The following SRD5A3 variants were observed in gnomAD, a reference collection of about 807,000 sequenced individuals.
SRD5A3 encodes steroid 5 alpha-reductase 3.
SRD5A3 carries 24 observed loss-of-function variants against 34.3 expected under a neutral mutation model. That is an observed-to-expected ratio of 0.70 (90% CI 0.51 to 0.99). The LOEUF (loss-of-function observed/expected upper bound fraction) is 0.99. Ranked by LOEUF, SRD5A3 falls within the 50% of genes least tolerant of loss-of-function variation. The pLI is 0.00. For missense variants in SRD5A3, 350 were observed against 388.2 expected, an observed-to-expected ratio of 0.90 and a Z score of 0.83; for synonymous variants, 161 against 167.3, an observed-to-expected ratio of 0.96 and a Z score of 0.29.
chr4:55,346,616 C>G, intron 1 of SRD5A3, 59 bp downstream of exon 1: 1 of 1,448,918 alleles, frequency 6.9e-7, no homozygotes, highest in South Asian at 1.4e-5. Flanking sequence ...CGGGGCGCCC[C>G]GGCTCGCGGG....
chr4:55,366,291 C>T (rs1719895987), intron 3 of SRD5A3, among the ~76,000 whole-genome samples: 2 of 152,162 alleles, frequency 1.3e-5, no homozygotes, highest in African/African-American at 4.8e-5. Context: ...ACTTTTCATC[C>T]TGTTGACTTG....
intron 1 of SRD5A3, among the ~76,000 whole-genome samples, chr4:55,346,760 G>C (rs926827550): frequency 1.3e-5 from 2 of 152,194 alleles, no homozygotes; most frequent in African/African-American, 4.8e-5. Flanking sequence ...GCAGTGCCCG[G>C]GTGTCCGCGG....
intron 1 of SRD5A3, among the ~76,000 whole-genome samples, chr4:55,347,320 G>A (rs1377974559): frequency 6.6e-6 from 1 of 152,204 alleles, no homozygotes; most frequent in East Asian, 1.9e-4. Flanking sequence ...GGTAGAAATA[G>A]AACAGTGCCC....
chr4:55,356,878 A>G (rs993495544), intron 1 of SRD5A3, among the ~76,000 whole-genome samples: 2 of 152,144 alleles, frequency 1.3e-5, no homozygotes, highest in East Asian at 3.9e-4. Flanking sequence ...TCCCCATTAT[A>G]AAAGCTAGTG....
At chr4:55,354,999 C>T (rs1036104599) in intron 1 of SRD5A3, among the ~76,000 whole-genome samples, 1 of 152,150 alleles carries the variant, frequency 6.6e-6, no homozygotes, top group Non-Finnish European at 1.5e-5. Flanking sequence ...TCACCTTACC[C>T]CTGCTTACAA....
At chr4:55,358,294 C>T (rs892751203) in intron 1 of SRD5A3, among the ~76,000 whole-genome samples, 5 of 152,164 alleles carry the variant, frequency 3.3e-5, no homozygotes, top group African/African-American at 1.2e-4. Flanking sequence ...CTTTGGGAAG[C>T]CAAGGTGGGA....
chr4:55,354,428 G>A (rs574030279), intron 1 of SRD5A3, among the ~76,000 whole-genome samples: 5 of 152,250 alleles, frequency 3.3e-5, no homozygotes, highest in South Asian at 2.1e-4. Context: ...AATAGATTGT[G>A]TTTTAGGCCC....
At position 55,364,056 on chromosome 4, in the gene SRD5A3, T is replaced by C; in HGVS notation, c.365-18T>C. ...TCCCAGAAGAGAAATGCTGACCCTG[T>C]TGCCTTCTGAATTGTAGGAGGGGAG... is the stretch of plus-strand genomic sequence containing the variant. On this transcript the variant is annotated intron_variant, in intron 2 of 4. Coordinates refer to ENST00000264228, the MANE Select transcript of SRD5A3 (RefSeq NM_024592.5). 12 of 1,613,922 alleles carry C rather than the reference T, an allele frequency of 7.4e-6. No individual in the cohort carries two copies. The highest frequency in any genetic ancestry group is 1.0e-5 in the Non-Finnish European group (12 of 1,179,764).
At position 55,346,411 on chromosome 4, in the gene SRD5A3, C is replaced by T; in HGVS notation, c.75C>T (p.Ala25=). ...CGGTGTGGCTCACGCTGACCGCCGC[C>T]TTCCTGCTGACCCTACTGCTGCAGC... The part of the protein sequence containing the change: ...LRAVWLTLTA[A]FLLTLLLQLL... The change falls in exon 1 of 5, where the codon GCC becomes GCT. Residue 25 remains alanine, a synonymous_variant. Transcript: ENST00000264228. The T allele has an allele frequency of 6.3e-7, 1 of 1,597,240 alleles. No individual in the cohort carries two copies.
rs771882471 is a variant in SRD5A3 at position 55,369,971 on chromosome 4, A to G, written c.837A>G (p.Leu279=). The change falls in exon 5 of 5, where the codon CTA becomes CTG. Residue 279 remains leucine, a synonymous_variant. Transcript: ENST00000264228. ...TFGFHNLTWW[L]VVTNVFFNQA... Reference sequence around the variant, plus strand: ...GGTTCCACAACTTAACTTGGTGGCTAGTGGTGACAAATGTCTTCTTTAATC... The same window carrying G: ...GGTTCCACAACTTAACTTGGTGGCTGGTGGTGACAAATGTCTTCTTTAATC... 16 of 1,614,040 alleles carry G rather than the reference A, an allele frequency of 9.9e-6. No individual in the cohort carries two copies. In the Admixed American group the frequency reaches 2.7e-4, roughly 27 times the overall value.
chr4:55,346,662 T>C, intron 1 of SRD5A3, 105 bp downstream of exon 1: 1 of 1,111,332 alleles, frequency 9.0e-7, no homozygotes, highest in Non-Finnish European at 1.2e-6. Flanking sequence ...GGACCCGGCC[T>C]GGGAGGCCCT....
intron 1 of SRD5A3, among the ~76,000 whole-genome samples, chr4:55,357,838 C>G (rs1719527800): frequency 6.6e-6 from 1 of 152,182 alleles, no homozygotes; most frequent in Admixed American, 6.5e-5. Flanking sequence ...TCCCAAAGCC[C>G]TGGGATTACA....
intron 1 of SRD5A3, among the ~76,000 whole-genome samples, chr4:55,354,412 A>G (rs150626459): frequency 3.3e-5 from 5 of 152,262 alleles, no homozygotes; most frequent in Non-Finnish European, 7.4e-5. Flanking sequence ...ATGTATTAAT[A>G]TTAAAAATAG....
chr4:55,356,577 TG>T (rs1719470164), intron 1 of SRD5A3, among the ~76,000 whole-genome samples: 1 of 152,150 alleles, frequency 6.6e-6, no homozygotes, highest in Admixed American at 6.5e-5. Context: ...AGCCTCAGCC[TG>T]AGCCTCCCGA....
chr4:55,364,251 T>A lies in SRD5A3; in HGVS notation c.542T>A (p.Val181Glu). 6.2e-7 allele frequency: 1 copy of A among 1,614,158 alleles called. No individual in the cohort carries two copies. Among genetic ancestry groups the A allele is most frequent in the Non-Finnish European group, 8.5e-7 (1 of 1,180,026 alleles). ...VLVGLTVLSQ[V>E]PMDGRNAYIT... is the part of the protein sequence containing the mutation. ...GTTGGCCTAACTGTGCTGAGCCAAG[T>A]GCCAATGGATGGCAGGAATGGTGAG... Residue 181 changes from valine to glutamate, a missense_variant, in exon 3 of 5, where the codon GTG becomes GAG. Physicochemically the swap from Val to Glu is moderately radical, Grantham distance 121. This residue lies in a region of SRD5A3 where 186 missense variants were observed against 221.4 expected (regional missense o/e 0.84). Coordinates refer to ENST00000264228, the MANE Select transcript of SRD5A3 (RefSeq NM_024592.5).
intron 1 of SRD5A3, among the ~76,000 whole-genome samples, chr4:55,355,409 G>T (rs1173015081): frequency 6.6e-6 from 1 of 150,742 alleles, no homozygotes; most frequent in Non-Finnish European, 1.5e-5. Context: ...AATGAACCAA[G>T]ATCGTGCCAC....
chr4:55,355,274 C>T (rs577097378), intron 1 of SRD5A3, among the ~76,000 whole-genome samples: 6 of 152,064 alleles, frequency 3.9e-5, no homozygotes, highest in Admixed American at 2.6e-4. Flanking sequence ...CTGGCTAACA[C>T]GGTGAAACCC....
chr4:55,364,813 G>A (rs751076675), intron 3 of SRD5A3: 1 of 176,952 alleles, frequency 5.7e-6, no homozygotes, highest in Non-Finnish European at 1.2e-5. Flanking sequence ...CTTAGTTCCT[G>A]TGATTGTTCC....
chr4:55,369,956 C>T lies in SRD5A3; in HGVS notation c.822C>T (p.Asn274=), dbSNP rs778832270. ...TGGCCGTCACCTTTGGGTTCCACAA[C>T]TTAACTTGGTGGCTAGTGGTGACAA... ...VSMAVTFGFH[N]LTWWLVVTNV... The change falls in exon 5 of 5, where the codon AAC becomes AAT. Residue 274 remains asparagine (N), a synonymous_variant. Coordinates refer to ENST00000264228, the MANE Select transcript of SRD5A3 (RefSeq NM_024592.5). The T allele has an allele frequency of 1.3e-5, 21 of 1,614,084 alleles. No homozygotes were observed. Among genetic ancestry groups the T allele is most frequent in the Non-Finnish European group, 1.7e-5 (20 of 1,180,056 alleles).
Sources: allele counts gnomAD v4.1 joint callset (sites outside exome capture counted in the v4.1 genomes callset), GRCh38; gene constraint gnomAD v4.1.1; regional missense constraint gnomAD v4.1.1; transcripts MANE v1.5; gene names NCBI Gene and HGNC (gene_info 2026-07-23, HGNC 2026-07-21).